The following ADCYAP1R1 variants were observed in gnomAD, a reference collection of about 807,000 sequenced individuals.
ADCYAP1R1 encodes the protein ADCYAP receptor type I, also known as pituitary adenylate cyclase-activating polypeptide type I receptor.
ADCYAP1R1 carries 44 observed loss-of-function variants against 67.6 expected under a neutral mutation model. That is an observed-to-expected ratio of 0.65 (90% CI 0.51 to 0.84). The LOEUF is 0.84. Among genes scored for constraint, ADCYAP1R1 ranks in the 40% least tolerant of loss-of-function variants. The probability of loss-of-function intolerance (pLI) is 0.00; values close to 1 mark genes in which losing one functional copy is unlikely to be tolerated. For synonymous variants in ADCYAP1R1, 222 were observed against 219.6 expected (o/e 1.01, Z -0.10); for missense variants, 477 against 587.9 (o/e 0.81, Z 1.95).
intron 4 of ADCYAP1R1, among the ~76,000 whole-genome samples, chr7:31,079,683 C>T (rs1402885198): frequency 3.3e-5 from 5 of 152,252 alleles, no homozygotes; most frequent in Admixed American, 3.3e-4. Flanking sequence ...GGTCCCAGGT[C>T]CCCCCGTCTC....
chr7:31,099,011 C>T (rs1400396942), intron 13 of ADCYAP1R1, among the ~76,000 whole-genome samples: 1 of 152,208 alleles, frequency 6.6e-6, no homozygotes, highest in East Asian at 1.9e-4. Flanking sequence ...AGCTCATCAT[C>T]TATCTCTGAC....
At chr7:31,054,756 C>T (rs1794170915) in intron 1 of ADCYAP1R1, among the ~76,000 whole-genome samples, 1 of 152,232 alleles carries the variant, frequency 6.6e-6, no homozygotes, top group African/African-American at 2.4e-5. Flanking sequence ...AGAGCCGGAG[C>T]TTAGCTCGGT....
intron 3 of ADCYAP1R1, among the ~76,000 whole-genome samples, chr7:31,073,341 G>C (rs183239466): frequency 2.1e-3 from 322 of 152,278 alleles, no homozygotes; most frequent in Non-Finnish European, 3.9e-3. Flanking sequence ...AAGAGAGAGA[G>C]GGAGAAGAAA....
chr7:31,063,394 AC>A, intron 2 of ADCYAP1R1, 79 bp downstream of exon 2: 2 of 1,526,684 alleles, frequency 1.3e-6, no homozygotes, highest in Non-Finnish European at 1.8e-6. Context: ...TTTTTTCTGT[AC>A]CCTCAGCTCA....
Position 31,103,188 on chromosome 7 carries a change from C to G in ADCYAP1R1, c.1047-49C>G, listed in dbSNP as rs201127388. The G allele has an allele frequency of 1.1e-4, 178 of 1,599,098 alleles. No homozygotes were observed. In the African/African-American group the frequency reaches 2.1e-3, roughly 19 times the overall value. ...GTTCTCTGCCCTCCGTGGCTCTGGC[C>G]CCGAGCCCTGGAAGTCCCCAGAGCA... On this transcript the variant is annotated intron_variant, in intron 13 of 15. Transcript: ENST00000304166.
At chr7:31,052,933 G>T (rs1794079489) in intron 1 of ADCYAP1R1, among the ~76,000 whole-genome samples, 1 of 152,218 alleles carries the variant, frequency 6.6e-6, no homozygotes, top group African/African-American at 2.4e-5. Context: ...CTGGCGCTGC[G>T]CTCGGGGCGG....
chr7:31,077,935 G>A (rs1795343234), intron 3 of ADCYAP1R1, 56 bp from the exon 4 acceptor site: 3 of 1,177,654 alleles, frequency 2.5e-6, no homozygotes, highest in Non-Finnish European at 2.5e-6. Context: ...GTGTGGTGGT[G>A]TGTGTGTATG....
At chr7:31,097,530 C>A (rs1796247045) in intron 13 of ADCYAP1R1, among the ~76,000 whole-genome samples, 1 of 152,180 alleles carries the variant, frequency 6.6e-6, no homozygotes, top group Non-Finnish European at 1.5e-5. Context: ...CAGGGCCAGT[C>A]CTCCCCCAAG....
Position 31,074,852 on chromosome 7 carries a change from A to G in ADCYAP1R1, c.158-3139A>G, listed in dbSNP as rs541317746. On this transcript the variant is annotated intron_variant, in intron 3 of 15. Coordinates refer to ENST00000304166, the MANE Select transcript of ADCYAP1R1 (RefSeq NM_001118.5). ...TTTAATGTCTTTGCCTTCTTGGGTT[A>G]TTCTTCTCAGAGCTTTCTATGGTAC... Among the ~76,000 whole-genome samples the G allele has an allele frequency of 5.0e-4, 76 of 152,290 alleles. 2 individuals are homozygous for G. Among genetic ancestry groups the G allele is most frequent in the Middle Eastern group, 3.4e-3 (1 of 294 alleles).
intron 3 of ADCYAP1R1, among the ~76,000 whole-genome samples, chr7:31,076,884 TG>T (rs752190909): frequency 3.3e-5 from 5 of 152,090 alleles, no homozygotes; most frequent in Non-Finnish European, 7.4e-5. Context: ...GGTGGGCATG[TG>T]GGAGAGGCTG....
At chr7:31,088,521 C>T (rs1795842262) in intron 12 of ADCYAP1R1, among the ~76,000 whole-genome samples, 1 of 152,186 alleles carries the variant, frequency 6.6e-6, no homozygotes, top group Admixed American at 6.5e-5. Flanking sequence ...ACATGTGCAT[C>T]TTCAATCCAG....
intron 3 of ADCYAP1R1, among the ~76,000 whole-genome samples, chr7:31,077,383 T>C (rs949056000): frequency 2.1e-5 from 3 of 145,934 alleles, no homozygotes; most frequent in African/African-American, 7.7e-5. Context: ...CTGGTGTGAG[T>C]GGTGTGTATG....
At chr7:31,087,908 A>G (rs993817519) in intron 12 of ADCYAP1R1, among the ~76,000 whole-genome samples, 1 of 152,374 alleles carries the variant, frequency 6.6e-6, no homozygotes, top group South Asian at 2.1e-4. Context: ...TACAAAAAAT[A>G]GAAATAGTTT....
chr7:31,091,520 T>A (rs1795960098), intron 12 of ADCYAP1R1, among the ~76,000 whole-genome samples: 1 of 152,224 alleles, frequency 6.6e-6, no homozygotes, highest in African/African-American at 2.4e-5. Context: ...TTCCTAGGTT[T>A]TCTTCTAGGA....
intron 7 of ADCYAP1R1, 94 bp downstream of exon 7, chr7:31,084,344 G>A: frequency 1.0e-6 from 1 of 990,384 alleles, no homozygotes; most frequent in Non-Finnish European, 1.6e-6. Context: ...TGCTGGGGCT[G>A]AGAAGCAACT....
At chr7:31,090,792 G>A (rs1358293707) in intron 12 of ADCYAP1R1, among the ~76,000 whole-genome samples, 1 of 152,170 alleles carries the variant, frequency 6.6e-6, no homozygotes, top group Non-Finnish European at 1.5e-5. Context: ...GTGTATACGT[G>A]CCACATTTTC....
intron 1 of ADCYAP1R1, among the ~76,000 whole-genome samples, 172 bp downstream of exon 1, chr7:31,052,850 G>T (rs537729026): frequency 6.6e-6 from 1 of 152,114 alleles, no homozygotes; most frequent in African/African-American, 2.4e-5. Context: ...AAGCCTCCCA[G>T]ATCTGAAATG....
rs751976058 is a variant in ADCYAP1R1 at position 31,084,205 on chromosome 7, T to C, written c.393T>C (p.Phe131=). Residue 131 remains phenylalanine (F), a synonymous_variant, in exon 7 of 16, where the codon TTT becomes TTC. Transcript: ENST00000304166. ...DGWSEPFPHY[F]DACGFDEYES... ...GGTCGGAACCCTTCCCTCATTACTT[T>C]GATGCCTGTGGGTTTGATGAATATG... is the stretch of plus-strand genomic sequence containing the variant. 4 of 1,614,044 alleles carry C rather than the reference T, an allele frequency of 2.5e-6. No individual in the cohort carries two copies. Among genetic ancestry groups the C allele is most frequent in the Middle Eastern group, 1.6e-4 (1 of 6,084 alleles).
intron 3 of ADCYAP1R1, among the ~76,000 whole-genome samples, chr7:31,071,598 T>G (rs751298786): frequency 3.9e-5 from 6 of 152,236 alleles, no homozygotes; most frequent in South Asian, 2.1e-4. Flanking sequence ...GTCCCTTGCC[T>G]GTCCTGGTTT....
Sources: allele counts gnomAD v4.1 joint callset (sites outside exome capture counted in the v4.1 genomes callset), GRCh38; gene constraint gnomAD v4.1.1; transcripts MANE v1.5; gene names NCBI Gene and HGNC (gene_info 2026-07-23, HGNC 2026-07-21).